Variants in EPHA3 observed in about 807,000 individuals in gnomAD.
EPHA3 encodes the protein ephrin type-A receptor 3.
EPHA3 carries 42 observed loss-of-function variants against 107.1 expected under a neutral mutation model. The ratio of observed to expected loss-of-function variants is 0.39; its 90% CI spans 0.31 to 0.51. The LOEUF (loss-of-function observed/expected upper bound fraction) is 0.51, where lower values mean the gene tolerates loss of function less well. Among genes scored for constraint, EPHA3 ranks in the 20% least tolerant of loss-of-function variants. EPHA3 has a pLI of 0.78. For missense variants in EPHA3, 1,183 were observed against 1,211.2 expected, an observed-to-expected ratio of 0.98 and a Z score of 0.35; for synonymous variants, 461 against 424.8, an observed-to-expected ratio of 1.09 and a Z score of -1.05.
chr3:89,380,475 G>A (rs1391497241), intron 5 of EPHA3, among the ~76,000 whole-genome samples: 2 of 152,026 alleles, frequency 1.3e-5, no homozygotes, highest in Non-Finnish European at 2.9e-5. Flanking sequence ...TGTGTATGAC[G>A]CCTTTGATAA....
intron 9 of EPHA3, among the ~76,000 whole-genome samples, chr3:89,412,092 A>C (rs3805091): frequency 0.02 from 3,012 of 151,950 alleles, 33 homozygotes; most frequent in African/African-American, 0.029. Context: ...AATTTCCTTT[A>C]ATTTTAGATC....
chr3:89,340,780 T>G, intron 3 of EPHA3, 136 bp from the exon 4 acceptor site: 1 of 864,502 alleles, frequency 1.2e-6, no homozygotes, highest in Non-Finnish European at 1.6e-6. Context: ...CTCTGTCATT[T>G]GCTTCTGTAA....
chr3:89,255,102 A>G (rs1438530911), intron 3 of EPHA3, among the ~76,000 whole-genome samples: 1 of 152,208 alleles, frequency 6.6e-6, no homozygotes, highest in Non-Finnish European at 1.5e-5. Context: ...TTCATAAATA[A>G]TGTTTACTTA....
At chr3:89,266,332 C>T (rs1705537544) in intron 3 of EPHA3, among the ~76,000 whole-genome samples, 1 of 152,128 alleles carries the variant, frequency 6.6e-6, no homozygotes, top group Non-Finnish European at 1.5e-5. Context: ...AATTACTACA[C>T]CTTACAGCCA....
intron 3 of EPHA3, among the ~76,000 whole-genome samples, chr3:89,257,661 G>A (rs1402333614): frequency 8.2e-6 from 1 of 121,552 alleles, no homozygotes; most frequent in Admixed American, 7.9e-5. Context: ...AATACAACAT[G>A]TTAGGAAATA....
intron 3 of EPHA3, among the ~76,000 whole-genome samples, chr3:89,338,811 GT>G (rs1181188744): frequency 6.6e-6 from 1 of 152,084 alleles, no homozygotes; most frequent in Admixed American, 6.6e-5. Context: ...TGTTATACAG[GT>G]ATTCACTAAA....
intron 3 of EPHA3, among the ~76,000 whole-genome samples, chr3:89,254,941 T>C (rs866789972): frequency 1.3e-5 from 2 of 152,202 alleles, no homozygotes; most frequent in Non-Finnish European, 2.9e-5. Context: ...GTTGCCTGAA[T>C]AATATAGCAA....
intron 5 of EPHA3, among the ~76,000 whole-genome samples, chr3:89,387,568 A>G (rs1708645976): frequency 6.6e-6 from 1 of 152,128 alleles, no homozygotes; most frequent in African/African-American, 2.4e-5. Context: ...CCTCTTTCAC[A>G]CTGAAGCATT....
chr3:89,156,335 A>G (rs1704806239), intron 2 of EPHA3, among the ~76,000 whole-genome samples: 2 of 152,070 alleles, frequency 1.3e-5, no homozygotes, highest in Admixed American at 1.3e-4. Context: ...CTTATACTAA[A>G]CAAGAAGAGA....
intron 2 of EPHA3, among the ~76,000 whole-genome samples, chr3:89,135,085 T>G (rs1321127717): frequency 6.6e-6 from 1 of 152,228 alleles, no homozygotes; most frequent in Non-Finnish European, 1.5e-5. Context: ...CATAGTAATT[T>G]GGTATGCAGT....
intron 7 of EPHA3, among the ~76,000 whole-genome samples, chr3:89,401,733 G>A (rs180764474): frequency 4.6e-5 from 7 of 152,034 alleles, no homozygotes; most frequent in East Asian, 3.9e-4. Context: ...TCAGCCTCCC[G>A]AGTGGCTGGG....
At chr3:89,309,564 C>A (rs137905870) in intron 3 of EPHA3, among the ~76,000 whole-genome samples, 4 of 152,134 alleles carry the variant, frequency 2.6e-5, no homozygotes, top group African/African-American at 9.7e-5. Flanking sequence ...CAGGCACACA[C>A]GCTCACATCT....
intron 2 of EPHA3, among the ~76,000 whole-genome samples, chr3:89,179,619 C>A (rs1445463185): frequency 6.6e-6 from 1 of 150,764 alleles, no homozygotes. Flanking sequence ...GCCTTTGAGC[C>A]CAATGCTAAG....
intron 2 of EPHA3, among the ~76,000 whole-genome samples, chr3:89,195,079 T>G (rs1705806902): frequency 6.6e-6 from 1 of 152,118 alleles, no homozygotes; most frequent in South Asian, 2.1e-4. Flanking sequence ...TTTAATTATA[T>G]GACTCCAAAA....
At chr3:89,148,767 G>T (rs1704626496) in intron 2 of EPHA3, among the ~76,000 whole-genome samples, 1 of 151,910 alleles carries the variant, frequency 6.6e-6, no homozygotes, top group African/African-American at 2.4e-5. Context: ...AGAAACAACT[G>T]GTGAATGCAT....
intron 15 of EPHA3, among the ~76,000 whole-genome samples, chr3:89,460,281 T>G (rs1021452778): frequency 1.4e-4 from 21 of 152,106 alleles, no homozygotes; most frequent in African/African-American, 4.8e-4. Flanking sequence ...AAAATTCAAA[T>G]TCTTGACACA....
At chr3:89,213,769 T>C (rs1442250588) in intron 3 of EPHA3, among the ~76,000 whole-genome samples, 1 of 151,944 alleles carries the variant, frequency 6.6e-6, no homozygotes, top group Non-Finnish European at 1.5e-5. Flanking sequence ...GTCCCTTAAA[T>C]TTACTGATCT....
chr3:89,124,629 T>C (rs1704052081), intron 1 of EPHA3, among the ~76,000 whole-genome samples: 1 of 152,046 alleles, frequency 6.6e-6, no homozygotes, highest in Admixed American at 6.5e-5. Context: ...TGTTGTTAAA[T>C]AATATTAATG....
chr3:89,200,553 C>A (rs1322604834), intron 2 of EPHA3, among the ~76,000 whole-genome samples: 1 of 152,184 alleles, frequency 6.6e-6, no homozygotes, highest in African/African-American at 2.4e-5. Flanking sequence ...CAGTCCAGAG[C>A]TAACCATGCA....
Sources: allele counts gnomAD v4.1 joint callset (sites outside exome capture counted in the v4.1 genomes callset), GRCh38; gene constraint gnomAD v4.1.1; transcripts MANE v1.5; gene names NCBI Gene and HGNC (gene_info 2026-07-23, HGNC 2026-07-21).